SUPT3H: variants seen among roughly 807,000 people sequenced by gnomAD.
SUPT3H encodes the protein SPT3 homolog, SAGA and STAGA complex component, also known as transcription initiation protein SPT3 homolog.
Under a neutral mutation model 44.3 loss-of-function variants are expected in SUPT3H, and 44 were observed. That is an observed-to-expected ratio of 0.99 (90% confidence interval 0.78 to 1.28). The LOEUF is 1.28. SUPT3H is among the 50% of genes most tolerant of loss of function. The probability of loss-of-function intolerance (pLI) is 0.00; values close to 1 mark genes in which losing one functional copy is unlikely to be tolerated. For missense variants in SUPT3H, 380 were observed against 387.1 expected (o/e 0.98, Z 0.15); for synonymous variants, 124 against 125.6 (o/e 0.99, Z 0.09).
At chr6:44,887,314 C>T (rs568060972) in intron 10 of SUPT3H, among the ~76,000 whole-genome samples, 1 of 152,282 alleles carries the variant, frequency 6.6e-6, no homozygotes, top group Non-Finnish European at 1.5e-5. Flanking sequence ...ACAGAATATA[C>T]ATTTTTTTCA....
chr6:44,944,794 A>G (rs1034954730), intron 9 of SUPT3H, among the ~76,000 whole-genome samples: 2 of 150,390 alleles, frequency 1.3e-5, no homozygotes, highest in African/African-American at 2.4e-5. Flanking sequence ...AAGAAAAGAA[A>G]AAAAGATACA....
chr6:45,297,645 TTAACA>T (rs2149903227), intron 2 of SUPT3H, among the ~76,000 whole-genome samples: 1 of 152,280 alleles, frequency 6.6e-6, no homozygotes, highest in South Asian at 2.1e-4. Flanking sequence ...TTTTTAAAAC[TTAACA>T]TATTAACAAA....
intron 2 of SUPT3H, among the ~76,000 whole-genome samples, chr6:45,269,303 C>A (rs183636002): frequency 6.6e-6 from 1 of 152,036 alleles, no homozygotes; most frequent in African/African-American, 2.4e-5. Context: ...CAAATAATAC[C>A]ACATTCCTCA....
rs61218822 is a variant in SUPT3H at position 45,369,017 on chromosome 6, T to A, written c.1-3716A>T. On this transcript the variant is annotated intron_variant, in intron 1 of 10. Coordinates refer to ENST00000371459, the MANE Select transcript of SUPT3H (RefSeq NM_003599.4). ...CACTGAGAATGAAAAAAATTAAAAA[T>A]TAAATACATAAAATATCTATAAAAA... is the stretch of plus-strand genomic sequence containing the variant. 3.9e-3 allele frequency among the ~76,000 whole-genome samples: 594 copies of A among 152,122 alleles called. 7 individuals are homozygous for A. The highest frequency in any genetic ancestry group is 0.014 in the African/African-American group (567 of 41,536).
At chr6:45,015,798 C>CAT (rs1784167480) in intron 4 of SUPT3H, among the ~76,000 whole-genome samples, 2 of 116,498 alleles carry the variant, frequency 1.7e-5, no homozygotes, top group South Asian at 5.7e-4. Flanking sequence ...CACGCGCGCG[C>CAT]ACACACACAC....
chr6:45,136,707 G>A (rs1804343209), intron 2 of SUPT3H, among the ~76,000 whole-genome samples: 1 of 151,944 alleles, frequency 6.6e-6, no homozygotes, highest in East Asian at 1.9e-4. Context: ...AAAATAATCA[G>A]TGAACTTGAA....
intron 10 of SUPT3H, among the ~76,000 whole-genome samples, chr6:44,928,882 C>CAAAATAAAAAAAAAA (rs1491206167): frequency 1.9e-4 from 4 of 20,646 alleles, no homozygotes; most frequent in Admixed American, 6.3e-4. Context: ...GACTCCGTCT[C>CAAAATAAAAAAAAAA]AAAAAAAAAA....
intron 3 of SUPT3H, among the ~76,000 whole-genome samples, chr6:45,077,773 T>C (rs896795559): frequency 4.6e-5 from 7 of 151,772 alleles, no homozygotes; most frequent in Non-Finnish European, 1.0e-4. Context: ...TAAAGAAAGA[T>C]AGATCAAAAT....
At chr6:44,822,303 G>A (rs566610464), downstream of SUPT3H, among the ~76,000 whole-genome samples, 7 of 152,208 alleles carry the variant, frequency 4.6e-5, no homozygotes, top group African/African-American at 9.6e-5. Flanking sequence ...AGTAGCTTCC[G>A]GTTCACAAAA....
rs577629903 is a variant in SUPT3H, at chr6:45,006,719, G to A, written c.365-2927C>T. On this transcript the variant is annotated intron_variant, in intron 5 of 10. Coordinates refer to ENST00000371459, the MANE Select transcript of SUPT3H (RefSeq NM_003599.4). ...CTCAGCTTCCTATCAATAGACCTTT[G>A]AAAAATTTTTACTTCACCCCTTCTC... Among the ~76,000 whole-genome samples the A allele has an allele frequency of 8.6e-5, 13 of 152,004 alleles. 1 individual carries two copies. The highest frequency in any genetic ancestry group is 8.3e-4 in the South Asian group (4 of 4,808).
chr6:45,155,360 T>C (rs917486715), intron 2 of SUPT3H, among the ~76,000 whole-genome samples: 3 of 152,086 alleles, frequency 2.0e-5, no homozygotes. Context: ...CCATCTTAAG[T>C]TAATATGAAT....
At chr6:45,323,618 A>C (rs1785881045) in intron 2 of SUPT3H, among the ~76,000 whole-genome samples, 1 of 152,102 alleles carries the variant, frequency 6.6e-6, no homozygotes, top group African/African-American at 2.4e-5. Context: ...ACATGACTAT[A>C]CTAAAAGTTT....
intron 2 of SUPT3H, among the ~76,000 whole-genome samples, chr6:45,233,720 T>A (rs1768515051): frequency 6.6e-6 from 1 of 152,236 alleles, no homozygotes; most frequent in African/African-American, 2.4e-5. Context: ...GATTGTCTAT[T>A]TGTAATTTTA....
intron 7 of SUPT3H, among the ~76,000 whole-genome samples, chr6:44,958,096 C>T (rs1299649626): frequency 6.6e-6 from 1 of 152,106 alleles, no homozygotes; most frequent in Non-Finnish European, 1.5e-5. Flanking sequence ...TCAGGAGAAA[C>T]GATAACCTGG....
intron 10 of SUPT3H, among the ~76,000 whole-genome samples, chr6:44,846,533 C>G (rs1561877510): frequency 6.6e-6 from 1 of 151,952 alleles, no homozygotes; most frequent in Non-Finnish European, 1.5e-5. Context: ...GGAGGTAAGA[C>G]CAGGATAGAT....
chr6:44,953,565 A>C (rs1774647283), intron 8 of SUPT3H, 148 bp from the exon 9 acceptor site: 1 of 624,882 alleles, frequency 1.6e-6, no homozygotes, highest in Non-Finnish European at 2.8e-6. Flanking sequence ...ACACACTTTC[A>C]TTGACTGGTG....
chr6:44,870,694 C>T (rs1269834472), intron 10 of SUPT3H, among the ~76,000 whole-genome samples: 6 of 151,500 alleles, frequency 4.0e-5, no homozygotes, highest in Admixed American at 2.0e-4. Flanking sequence ...CCAGCATGAG[C>T]GACGCAGAAG....
intron 2 of SUPT3H, among the ~76,000 whole-genome samples, chr6:45,147,703 A>C (rs916331167): frequency 2.0e-5 from 3 of 152,100 alleles, no homozygotes; most frequent in Middle Eastern, 3.4e-3. Flanking sequence ...TCTAGCAAGG[A>C]AACAGCCTGA....
chr6:45,144,923 A>G (rs531463361), intron 2 of SUPT3H, among the ~76,000 whole-genome samples: 25 of 152,234 alleles, frequency 1.6e-4, no homozygotes, highest in African/African-American at 6.0e-4. Context: ...CTTTGACAAC[A>G]GCTGCAAAAT....
Sources: gnomAD v4.1 joint callset for allele counts (sites outside exome capture counted in the v4.1 genomes callset) on GRCh38, gnomAD v4.1.1 for gene constraint, MANE v1.5 for transcripts, NCBI Gene and HGNC (gene_info 2026-07-23, HGNC 2026-07-21) for gene names.